HTR4: variants seen among roughly 807,000 people sequenced by gnomAD.
The protein encoded by HTR4 is 5-hydroxytryptamine receptor 4.
Under a neutral mutation model 36.8 loss-of-function variants are expected in HTR4, and 16 were observed. The observed-to-expected ratio is 0.43, with a 90% CI of 0.29 to 0.66. The LOEUF (loss-of-function observed/expected upper bound fraction) is 0.66, where lower values mean the gene tolerates loss of function less well. Ranked by LOEUF, HTR4 falls within the 30% of genes least tolerant of loss-of-function variation. The probability of loss-of-function intolerance (pLI) is 0.13; values close to 1 mark genes in which losing one functional copy is unlikely to be tolerated. For missense variants in HTR4, 438 were observed against 490.9 expected, an observed-to-expected ratio of 0.89 and a Z score of 1.02; for synonymous variants, 189 against 185.1, an observed-to-expected ratio of 1.02 and a Z score of -0.17.
chr5:148,484,972 G>A (rs902468560), intron 6 of HTR4, among the ~76,000 whole-genome samples: 2 of 150,374 alleles, frequency 1.3e-5, no homozygotes, highest in African/African-American at 4.9e-5. Flanking sequence ...TGAAAAAGAA[G>A]GAATGAAGGT....
intron 4 of HTR4, among the ~76,000 whole-genome samples, chr5:148,525,215 A>G (rs1758210709): frequency 6.6e-6 from 1 of 152,226 alleles, no homozygotes; most frequent in Non-Finnish European, 1.5e-5. Flanking sequence ...GCTTACAAGA[A>G]AGACAAATTA....
intron 6 of HTR4, among the ~76,000 whole-genome samples, chr5:148,487,817 G>C (rs1173883116): frequency 6.6e-6 from 1 of 152,102 alleles, no homozygotes; most frequent in Non-Finnish European, 1.5e-5. Context: ...AGGTCAGAGG[G>C]GCCAGAGATA....
intron 2 of HTR4, among the ~76,000 whole-genome samples, chr5:148,562,006 T>G (rs2113867960): frequency 6.6e-6 from 1 of 152,362 alleles, no homozygotes. Context: ...TTCTTACTTC[T>G]GCCTCTGATA....
chr5:148,582,884 G>C (rs915755592), intron 2 of HTR4, among the ~76,000 whole-genome samples: 41 of 151,854 alleles, frequency 2.7e-4, no homozygotes, highest in South Asian at 4.1e-4. Flanking sequence ...CTGCAAACAG[G>C]GACAATTTGA....
chr5:148,550,696 G>T (rs576066383), intron 2 of HTR4, among the ~76,000 whole-genome samples: 7 of 152,138 alleles, frequency 4.6e-5, no homozygotes, highest in Non-Finnish European at 7.4e-5. Context: ...TGTTTTAGTT[G>T]CCATGGACCC....
chr5:148,579,577 T>C (rs1432609906), intron 2 of HTR4, among the ~76,000 whole-genome samples: 1 of 152,080 alleles, frequency 6.6e-6, no homozygotes, highest in Non-Finnish European at 1.5e-5. Flanking sequence ...GCATGGTGAC[T>C]GGATTCTCTG....
At chr5:148,455,979 G>A (rs1755092946) in intron 5 of HTR4, among the ~76,000 whole-genome samples, 1 of 152,100 alleles carries the variant, frequency 6.6e-6, no homozygotes, top group Admixed American at 6.6e-5. Context: ...GGCAGAGGCT[G>A]AAGAAAATCC....
intron 2 of HTR4, among the ~76,000 whole-genome samples, chr5:148,605,062 T>C (rs1219097132): frequency 2.0e-5 from 3 of 152,078 alleles, no homozygotes; most frequent in Non-Finnish European, 4.4e-5. Context: ...TCAGACAGTA[T>C]AGGAACTGAC....
rs544607362 is a variant in HTR4, at chr5:148,577,481, G to A, written c.27-27219C>T. On this transcript the variant is annotated intron_variant, in intron 2 of 6. Transcript: ENST00000377888. ...CCCATTACTGAGTATATGCCCAGGC[G>A]AATATAAATCATTCTACCATAAAGA... 9.9e-5 allele frequency among the ~76,000 whole-genome samples: 15 copies of A among 152,152 alleles called. No homozygotes were observed. In the South Asian group the frequency reaches 1.0e-3, roughly 11 times the overall value.
downstream of HTR4, chr5:148,476,697 A>AT: frequency 6.2e-7 from 1 of 1,610,490 alleles, no homozygotes; most frequent in Non-Finnish European, 8.5e-7. Context: ...GCACTAAGAA[A>AT]AAAAAATGAG....
chr5:148,545,539 A>C (rs1759345116), intron 4 of HTR4, among the ~76,000 whole-genome samples: 1 of 152,220 alleles, frequency 6.6e-6, no homozygotes, highest in Non-Finnish European at 1.5e-5. Context: ...GAGTTCTACA[A>C]AGGAGAAAAA....
intron 6 of HTR4, among the ~76,000 whole-genome samples, chr5:148,496,130 T>C (rs1010723078): frequency 2.0e-5 from 3 of 152,172 alleles, no homozygotes; most frequent in African/African-American, 7.2e-5. Context: ...CTAATAATTC[T>C]AATATGTGTC....
At chr5:148,643,327 T>TA (rs1753783294) in intron 1 of HTR4, among the ~76,000 whole-genome samples, 1 of 152,118 alleles carries the variant, frequency 6.6e-6, no homozygotes, top group Non-Finnish European at 1.5e-5. Context: ...AACCTTTTGT[T>TA]AAAAGGAATG....
chr5:148,491,202 C>T (rs1426697335), intron 6 of HTR4, among the ~76,000 whole-genome samples: 1 of 152,156 alleles, frequency 6.6e-6, no homozygotes, highest in African/African-American at 2.4e-5. Context: ...AGAGAACAAG[C>T]TCCTAGAGCC....
downstream of HTR4, among the ~76,000 whole-genome samples, chr5:148,473,191 C>A (rs890848414): frequency 1.3e-5 from 2 of 150,212 alleles, no homozygotes; most frequent in Non-Finnish European, 2.9e-5. Context: ...CCCAGCTACT[C>A]GGGAGGCTGA....
At chr5:148,481,469 G>T, downstream of HTR4, 1 of 1,058,912 alleles carries the variant, frequency 9.4e-7, no homozygotes, top group Non-Finnish European at 1.4e-6. Flanking sequence ...TCTTTCAGAG[G>T]CTATTTTCCT....
At chr5:148,600,767 T>A (rs1761961047) in intron 2 of HTR4, among the ~76,000 whole-genome samples, 1 of 149,888 alleles carries the variant, frequency 6.7e-6, no homozygotes, top group African/African-American at 2.5e-5. Flanking sequence ...CTGGCAATAA[T>A]TTTTTTTAGG....
intron 6 of HTR4, among the ~76,000 whole-genome samples, chr5:148,497,676 G>T (rs1276098960): frequency 6.6e-6 from 1 of 152,126 alleles, no homozygotes; most frequent in African/African-American, 2.4e-5. Context: ...GATATTGGTG[G>T]GTGGGGAAAA....
Position 148,509,851 on chromosome 5 carries a change from C to T in HTR4, c.681G>A (p.Gln227=). Residue 227 remains glutamine, a synonymous_variant, in exon 6 of 7, where the codon CAG becomes CAA. Coordinates refer to ENST00000377888, the MANE Select transcript of HTR4 (RefSeq NM_000870.7). ...VTAKEHAHQI[Q]MLQRAGASSE... is the part of the protein sequence containing the mutation. Reference sequence around the variant, plus strand: ...AGGAGGCTCCTGCCCGTTGTAACATCTGGATCTGATGGGCATGCTCCTTAG... The same window carrying T: ...AGGAGGCTCCTGCCCGTTGTAACATTTGGATCTGATGGGCATGCTCCTTAG... 1 of 1,614,030 alleles carries T rather than the reference C, an allele frequency of 6.2e-7. No individual in the cohort carries two copies. The highest frequency in any genetic ancestry group is 1.1e-5 in the South Asian group (1 of 91,060).
Sources: allele counts gnomAD v4.1 joint callset (sites outside exome capture counted in the v4.1 genomes callset), GRCh38; gene constraint gnomAD v4.1.1; transcripts MANE v1.5; gene names NCBI Gene and HGNC (gene_info 2026-07-23, HGNC 2026-07-21).